Variants in TASP1 observed in about 807,000 individuals in gnomAD.
TASP1 encodes taspase 1, also known as threonine aspartase 1.
In TASP1, 16 loss-of-function variants were observed where a neutral mutation model predicts 56.6. The observed-to-expected ratio is 0.28, with a 90% CI of 0.19 to 0.43. The LOEUF (loss-of-function observed/expected upper bound fraction) is 0.43. Among genes scored for constraint, TASP1 ranks in the 20% least tolerant of loss-of-function variants. TASP1 has a pLI of 1.00. For missense variants in TASP1, 393 were observed against 511.6 expected (o/e 0.77, Z 2.24); for synonymous variants, 179 against 184.2 (o/e 0.97, Z 0.23).
the TASP1 span, among the ~76,000 whole-genome samples, chr20:13,281,989 T>G: frequency 6.6e-6 from 1 of 152,110 alleles, no homozygotes; most frequent in African/African-American, 2.4e-5. Context: ...GAAATGCAAA[T>G]GTTTCAAGCC....
chr20:13,155,877 G>C, the TASP1 span, among the ~76,000 whole-genome samples: 1 of 152,168 alleles, frequency 6.6e-6, no homozygotes. Context: ...ATTCCCACCA[G>C]TTGGCCCTTT....
the TASP1 span, among the ~76,000 whole-genome samples, chr20:13,374,313 A>C: frequency 6.6e-6 from 1 of 151,502 alleles, no homozygotes; most frequent in Non-Finnish European, 1.5e-5. Context: ...GAGAGAAATA[A>C]CAAGTCACTG....
At chr20:13,466,051 TATC>T (rs2146383472) in intron 11 of TASP1, among the ~76,000 whole-genome samples, 1 of 152,286 alleles carries the variant, frequency 6.6e-6, no homozygotes, top group Admixed American at 6.5e-5. Flanking sequence ...GTTGTATCAA[TATC>T]ATATAGCCTA....
chr20:13,554,205 A>C (rs545647416), intron 8 of TASP1, among the ~76,000 whole-genome samples: 7 of 152,262 alleles, frequency 4.6e-5, no homozygotes, highest in African/African-American at 1.2e-4. Flanking sequence ...CATCATCAGA[A>C]ACCTAAACTA....
chr20:13,517,394 C>A (rs965326117), intron 10 of TASP1, among the ~76,000 whole-genome samples: 1 of 151,952 alleles, frequency 6.6e-6, no homozygotes, highest in African/African-American at 2.4e-5. Flanking sequence ...TCCTTCATAT[C>A]CTTTAAAATT....
At chr20:13,121,043 G>T in the TASP1 span, among the ~76,000 whole-genome samples, 3 of 152,180 alleles carry the variant, frequency 2.0e-5, no homozygotes, top group Non-Finnish European at 4.4e-5. Flanking sequence ...AAGCTGATGG[G>T]ACTAGGTTTC....
At chr20:13,300,417 G>C in the TASP1 span, 15 of 152,130 alleles carry the variant, frequency 9.9e-5, no homozygotes, top group Admixed American at 2.6e-4. Context: ...ATATAAAAGG[G>C]GGGGAGGGTC....
chr20:13,279,629 T>C, the TASP1 span: 4 of 1,610,942 alleles, frequency 2.5e-6, no homozygotes, highest in Non-Finnish European at 2.5e-6. Flanking sequence ...TTCTGAATTC[T>C]TCAGGTCACC....
At chr20:13,369,760 C>G in the TASP1 span, among the ~76,000 whole-genome samples, 2 of 152,172 alleles carry the variant, frequency 1.3e-5, no homozygotes, top group Non-Finnish European at 2.9e-5. Flanking sequence ...TGATGGCTAT[C>G]AAGTTTAAAA....
At chr20:13,298,960 G>A in the TASP1 span, 15 of 1,613,350 alleles carry the variant, frequency 9.3e-6, no homozygotes, top group Admixed American at 3.3e-5. Flanking sequence ...AGCTGTGAGC[G>A]CTGGATGAGC....
the TASP1 span, among the ~76,000 whole-genome samples, chr20:13,353,229 CAG>C: frequency 8.8e-5 from 12 of 135,772 alleles, no homozygotes; most frequent in African/African-American, 3.5e-4. Context: ...TATTAGGTGA[CAG>C]AGCAAGATTT....
chr20:13,513,175 A>G (rs957842900), intron 10 of TASP1, among the ~76,000 whole-genome samples: 1 of 152,078 alleles, frequency 6.6e-6, no homozygotes, highest in Non-Finnish European at 1.5e-5. Context: ...CATTTTGCCA[A>G]TCAGAATCTG....
chr20:13,179,017 C>T, the TASP1 span, among the ~76,000 whole-genome samples: 8 of 152,074 alleles, frequency 5.3e-5, no homozygotes, highest in African/African-American at 1.9e-4. Flanking sequence ...TGTATCCAAA[C>T]ATCACTATGT....
the TASP1 span, among the ~76,000 whole-genome samples, chr20:13,265,083 A>G: frequency 1.3e-5 from 2 of 152,182 alleles, no homozygotes; most frequent in African/African-American, 4.8e-5. Flanking sequence ...GTTATTTCAT[A>G]TGAAAACAGC....
the TASP1 span, among the ~76,000 whole-genome samples, chr20:13,306,628 A>G: frequency 6.6e-6 from 1 of 151,160 alleles, no homozygotes; most frequent in African/African-American, 2.4e-5. Flanking sequence ...AAAATTCTCT[A>G]AGGGGCCTCT....
the TASP1 span, among the ~76,000 whole-genome samples, chr20:13,146,400 CT>C: frequency 3.7e-3 from 563 of 152,124 alleles, no homozygotes; most frequent in Non-Finnish European, 5.9e-3. Flanking sequence ...TGTAACAAAT[CT>C]TCACATGTAC....
chr20:13,392,727 C>T (rs2123576091), intron 13 of TASP1: 1 of 574,830 alleles, frequency 1.7e-6, no homozygotes, highest in South Asian at 1.4e-5. Flanking sequence ...GGGCGCTGGT[C>T]ACCAGGGCTG....
chr20:13,212,658 A>G, the TASP1 span, among the ~76,000 whole-genome samples: 1 of 152,206 alleles, frequency 6.6e-6, no homozygotes, highest in Admixed American at 6.5e-5. Flanking sequence ...ATCACTTATT[A>G]TGGATAAAAG....
chr20:13,631,010 T>A (rs1054698256), intron 1 of TASP1, among the ~76,000 whole-genome samples: 1 of 152,130 alleles, frequency 6.6e-6, no homozygotes, highest in Non-Finnish European at 1.5e-5. Context: ...TTTGTTTGAA[T>A]GTTTGGTTTT....
Sources: gnomAD v4.1 joint callset for allele counts (sites outside exome capture counted in the v4.1 genomes callset) on GRCh38, gnomAD v4.1.1 for gene constraint, MANE v1.5 for transcripts, NCBI Gene and HGNC (gene_info 2026-07-23, HGNC 2026-07-21) for gene names.